The following NAALADL2 variants were observed in gnomAD, a reference collection of about 807,000 sequenced individuals.
The protein encoded by NAALADL2 is inactive N-acetylated-alpha-linked acidic dipeptidase-like protein 2.
In NAALADL2, 76 loss-of-function variants were observed where a neutral mutation model predicts 87.2. That is an observed-to-expected ratio of 0.87 (90% confidence interval 0.72 to 1.05). NAALADL2 has a LOEUF of 1.05. NAALADL2 is among the 50% of genes least tolerant of loss of function. The probability of loss-of-function intolerance (pLI) is 0.00; values close to 1 mark genes in which losing one functional copy is unlikely to be tolerated. For synonymous variants in NAALADL2, 354 were observed against 331.0 expected (o/e 1.07, Z -0.75); for missense variants, 1,089 against 945.8 (o/e 1.15, Z -1.99).
At chr3:175,660,130 G>C (rs1363663798) in intron 11 of NAALADL2, among the ~76,000 whole-genome samples, 1 of 152,034 alleles carries the variant, frequency 6.6e-6, no homozygotes, top group South Asian at 2.1e-4. Flanking sequence ...CTTTTATAAG[G>C]GAACTAATCC....
intron 1 of NAALADL2, among the ~76,000 whole-genome samples, chr3:174,918,613 C>G (rs999579590): frequency 6.6e-6 from 1 of 152,130 alleles, no homozygotes; most frequent in Non-Finnish European, 1.5e-5. Flanking sequence ...CAATTGAGCT[C>G]TCTTCCACTG....
intron 1 of NAALADL2, among the ~76,000 whole-genome samples, chr3:175,047,838 T>C (rs988725560): frequency 2.6e-5 from 4 of 152,218 alleles, no homozygotes; most frequent in African/African-American, 4.8e-5. Flanking sequence ...CTTTCATATA[T>C]TCACAACTGG....
At chr3:175,179,389 G>GA (rs1736139294) in intron 2 of NAALADL2, among the ~76,000 whole-genome samples, 1 of 151,852 alleles carries the variant, frequency 6.6e-6, no homozygotes, top group African/African-American at 2.4e-5. Context: ...TAGAGAGGGA[G>GA]AAAAAATAAT....
At chr3:175,463,299 T>C in intron 6 of NAALADL2, 102 bp from the exon 7 acceptor site, 2 of 673,306 alleles carry the variant, frequency 3.0e-6, no homozygotes, top group South Asian at 2.2e-5. Flanking sequence ...TTCAATTCTG[T>C]GGAATTCTTT....
At chr3:175,777,142 G>A (rs191126895) in intron 13 of NAALADL2, among the ~76,000 whole-genome samples, 1 of 151,736 alleles carries the variant, frequency 6.6e-6, no homozygotes, top group Non-Finnish European at 1.5e-5. Context: ...TGGCAAGTTG[G>A]AAAAGGTCTA....
chr3:175,608,504 A>C (rs1724099032), intron 10 of NAALADL2, among the ~76,000 whole-genome samples: 1 of 151,866 alleles, frequency 6.6e-6, no homozygotes, highest in Non-Finnish European at 1.5e-5. Flanking sequence ...CAGACACAGG[A>C]GGTACTTTTG....
At chr3:175,709,079 A>G (rs1429738669) in intron 11 of NAALADL2, among the ~76,000 whole-genome samples, 1 of 151,916 alleles carries the variant, frequency 6.6e-6, no homozygotes, top group Non-Finnish European at 1.5e-5. Context: ...AGGGGACTCT[A>G]TCAAGGTATC....
intron 9 of NAALADL2, among the ~76,000 whole-genome samples, chr3:175,476,876 G>T (rs530291631): frequency 2.6e-5 from 4 of 152,112 alleles, no homozygotes; most frequent in Non-Finnish European, 4.4e-5. Flanking sequence ...TATTATTTTT[G>T]TCTTGACTTT....
In NAALADL2 at chr3:175,643,502, C is replaced by T. The variant is rs187981406; in HGVS notation, c.1896+16116C>T. Among the ~76,000 whole-genome samples the T allele has an allele frequency of 6.0e-3, 912 of 152,218 alleles. 9 individuals are homozygous for T. Among genetic ancestry groups the T allele is most frequent in the African/African-American group, 0.021 (871 of 41,526 alleles). On this transcript the variant is annotated intron_variant, in intron 11 of 13. Coordinates refer to ENST00000454872, the MANE Select transcript of NAALADL2 (RefSeq NM_207015.3). ...AAGGCAGAGCTTACTGCACCTACTT[C>T]GCAAAGGAAGAACACTATCTTGACT...
chr3:174,778,856 A>G (rs1715573238), intron 3 of NAALADL2, among the ~76,000 whole-genome samples: 1 of 151,880 alleles, frequency 6.6e-6, no homozygotes. Context: ...TATGTGCCAC[A>G]TTTTCTTTAT....
At chr3:174,684,404 T>C (rs962900819) in intron 2 of NAALADL2, among the ~76,000 whole-genome samples, 1 of 152,154 alleles carries the variant, frequency 6.6e-6, no homozygotes, top group African/African-American at 2.4e-5. Flanking sequence ...CATTTATTCA[T>C]TGAAATTATT....
At chr3:175,235,056 C>T (rs1745597111) in intron 3 of NAALADL2, 1 of 76,184 alleles carries the variant, frequency 1.3e-5, no homozygotes, top group Non-Finnish European at 2.9e-5. Context: ...TTAAAAAATA[C>T]ACTTAGTTTT....
At chr3:175,600,180 GTA>G (rs1442203962) in intron 10 of NAALADL2, among the ~76,000 whole-genome samples, 3 of 151,588 alleles carry the variant, frequency 2.0e-5, no homozygotes, top group African/African-American at 7.3e-5. Flanking sequence ...AATCAAATCA[GTA>G]TATATATCTA....
At chr3:175,640,435 G>C (rs1729130543) in intron 11 of NAALADL2, among the ~76,000 whole-genome samples, 1 of 152,052 alleles carries the variant, frequency 6.6e-6, no homozygotes, top group African/African-American at 2.4e-5. Context: ...GATGATATAT[G>C]TGTTCTCACT....
intron 2 of NAALADL2, among the ~76,000 whole-genome samples, chr3:175,190,838 C>T (rs113278820): frequency 1.7e-4 from 26 of 151,786 alleles, no homozygotes; most frequent in African/African-American, 5.8e-4. Context: ...ATTAGCCGGG[C>T]GTGGTGGCGG....
chr3:174,720,432 A>T (rs1182990002), intron 2 of NAALADL2, among the ~76,000 whole-genome samples: 1 of 152,178 alleles, frequency 6.6e-6, no homozygotes, highest in Non-Finnish European at 1.5e-5. Context: ...ACATTATATG[A>T]TAGCTATATA....
chr3:174,795,343 G>A (rs972515350), intron 3 of NAALADL2, among the ~76,000 whole-genome samples: 1 of 151,952 alleles, frequency 6.6e-6, no homozygotes, highest in Admixed American at 6.6e-5. Flanking sequence ...TAGTATAATG[G>A]TGTGGCTAAT....
At chr3:174,590,736 C>T (rs932445992) in intron 2 of NAALADL2, among the ~76,000 whole-genome samples, 29 of 152,236 alleles carry the variant, frequency 1.9e-4, no homozygotes, top group African/African-American at 6.7e-4. Context: ...ATCAGTAAAA[C>T]AGGCACAGTA....
chr3:175,438,542 T>C (rs1048186775), intron 5 of NAALADL2, among the ~76,000 whole-genome samples: 1 of 152,132 alleles, frequency 6.6e-6, no homozygotes, highest in Non-Finnish European at 1.5e-5. Context: ...TTCATAAAAG[T>C]GCAGCAGAAA....
Sources: gnomAD v4.1 joint callset for allele counts (sites outside exome capture counted in the v4.1 genomes callset) on GRCh38, gnomAD v4.1.1 for gene constraint, MANE v1.5 for transcripts, NCBI Gene and HGNC (gene_info 2026-07-23, HGNC 2026-07-21) for gene names.